The following PLXNA4 variants were observed in gnomAD, a reference collection of about 807,000 sequenced individuals.
The protein encoded by PLXNA4 is plexin A4.
In PLXNA4, 44 loss-of-function variants were observed where a neutral mutation model predicts 191.8. The ratio of observed to expected loss-of-function variants is 0.23; its 90% CI spans 0.18 to 0.29. The LOEUF (loss-of-function observed/expected upper bound fraction) is 0.29. PLXNA4 is among the 10% of genes least tolerant of loss of function. PLXNA4 has a pLI of 1.00. For synonymous variants in PLXNA4, 1,082 were observed against 1,009.5 expected, an observed-to-expected ratio of 1.07 and a Z score of -1.36; for missense variants, 1,800 against 2,488.8, an observed-to-expected ratio of 0.72 and a Z score of 5.89.
chr7:132,184,159 C>T (rs987776128), intron 16 of PLXNA4, among the ~76,000 whole-genome samples: 1 of 152,212 alleles, frequency 6.6e-6, no homozygotes, highest in Non-Finnish European at 1.5e-5. Context: ...TGCTCACTCC[C>T]CCAGCCCCAC....
In PLXNA4 at chr7:132,576,378, T is replaced by C. The variant is rs1298980827; in HGVS notation, c.-87+44A>G. 37 of 985,318 alleles carry C rather than the reference T, an allele frequency of 3.8e-5. No individual in the cohort carries two copies. Among genetic ancestry groups the C allele is most frequent in the Non-Finnish European group, 4.5e-5 (37 of 829,890 alleles). 61.0% of individuals were successfully genotyped at this position (985,318 alleles called of 1,614,324 possible). On this transcript the variant is annotated intron_variant, in intron 1 of 31. Coordinates refer to ENST00000321063, the MANE Select transcript of PLXNA4 (RefSeq NM_020911.2). This position sits in a 1 kb window ranked among gnomAD's most constrained non-coding sequence, Gnocchi z 5.8. Reference sequence around the variant, plus strand: ...CCAGGTCTGTCCGACCTTGCTGCCCTCGCCGCCCGCCCGGCCCCACTCCCC... The same window carrying C: ...CCAGGTCTGTCCGACCTTGCTGCCCCCGCCGCCCGCCCGGCCCCACTCCCC...
intron 2 of PLXNA4, among the ~76,000 whole-genome samples, chr7:132,589,341 CTA>C (rs928440712): frequency 6.6e-6 from 1 of 152,036 alleles, no homozygotes; most frequent in Non-Finnish European, 1.5e-5. Context: ...TAAATTATAA[CTA>C]TATATTTTTA....
chr7:132,456,169 G>A (rs1796310511), intron 3 of PLXNA4, among the ~76,000 whole-genome samples: 1 of 147,646 alleles, frequency 6.8e-6, no homozygotes, highest in Non-Finnish European at 1.5e-5. Flanking sequence ...TTGGAGTGCA[G>A]TGGCACAATC....
At chr7:132,377,439 G>C (rs1048618080) in intron 3 of PLXNA4, among the ~76,000 whole-genome samples, 24 of 142,430 alleles carry the variant, frequency 1.7e-4, no homozygotes, top group Admixed American at 5.0e-4. Flanking sequence ...AAAAAAAAAA[G>C]AAAACAAAAC....
intron 3 of PLXNA4, among the ~76,000 whole-genome samples, chr7:132,447,612 TA>T (rs1192944893): frequency 1.3e-5 from 2 of 152,154 alleles, no homozygotes; most frequent in African/African-American, 4.8e-5. Flanking sequence ...AAATGGGACT[TA>T]ATAATCCCCA....
Position 132,380,274 on chromosome 7 carries a change from G to C in PLXNA4, c.1372-82052C>G, listed in dbSNP as rs10269993. ...CTGTGGAATTTGCAGCATTGTGATC[G>C]TGTGCAAAGGGCAGCACCAGGCCCT... is the stretch of plus-strand genomic sequence containing the variant. On this transcript the variant is annotated intron_variant, in intron 3 of 31. Transcript: ENST00000321063. Among the ~76,000 whole-genome samples, 4 of 152,122 alleles carry C rather than the reference G, an allele frequency of 2.6e-5. No homozygotes were observed. In the East Asian group the frequency reaches 7.7e-4, roughly 29 times the overall value.
chr7:132,353,941 T>G (rs1466561862), intron 3 of PLXNA4, among the ~76,000 whole-genome samples: 5 of 152,154 alleles, frequency 3.3e-5, no homozygotes, highest in Non-Finnish European at 7.3e-5. Flanking sequence ...TCTTTTCAAG[T>G]CAGATCTGTT....
At chr7:132,215,404 T>C (rs778253304) in intron 9 of PLXNA4, among the ~76,000 whole-genome samples, 23 of 152,368 alleles carry the variant, frequency 1.5e-4, no homozygotes, top group South Asian at 4.1e-4. Context: ...GTGTAGTCCC[T>C]GGAATATTGT....
rs1471619323 is a variant in PLXNA4 at position 132,416,900 on chromosome 7, T to A, written c.1371+72392A>T. 3.3e-5 allele frequency among the ~76,000 whole-genome samples: 5 copies of A among 151,946 alleles called. No homozygotes were observed. In the East Asian group the frequency reaches 9.7e-4, roughly 29 times the overall value. ...CATTCTCCCACCCCCATACTGTTCA[T>A]CACAAACTCACAGTTGCTTCTCTAC... On this transcript the variant is annotated intron_variant, in intron 3 of 31. Coordinates refer to ENST00000321063, the MANE Select transcript of PLXNA4 (RefSeq NM_020911.2).
At chr7:132,143,055 A>C (rs1470871367) in intron 29 of PLXNA4, among the ~76,000 whole-genome samples, 2 of 152,184 alleles carry the variant, frequency 1.3e-5, no homozygotes, top group Non-Finnish European at 2.9e-5. Context: ...ACTCAGGCTA[A>C]ATGAGCAGGA....
chr7:132,560,486 T>TAAAGAAGCAA (rs1434323305), intron 1 of PLXNA4, among the ~76,000 whole-genome samples: 1 of 152,156 alleles, frequency 6.6e-6, no homozygotes, highest in Admixed American at 6.5e-5. Flanking sequence ...CTTGCTTCTT[T>TAAAGAAGCAA]GTCAAGTTTC....
At chr7:132,598,660 T>TCTATAAGTTACCTATTCATCACCTTTC in intron 2 of PLXNA4, among the ~76,000 whole-genome samples, 5 of 152,146 alleles carry the variant, frequency 3.3e-5, no homozygotes, top group African/African-American at 1.2e-4. Flanking sequence ...TGCAAGAATT[T>TCTATAAGTTACCTATTCATCACCTTTC]CCTGTGAATT....
At chr7:132,443,167 G>A (rs867548307) in intron 3 of PLXNA4, among the ~76,000 whole-genome samples, 1 of 152,188 alleles carries the variant, frequency 6.6e-6, no homozygotes, top group East Asian at 1.9e-4. Context: ...GGAACAAGAA[G>A]CTTTGCCCAA....
Position 132,179,892 on chromosome 7 carries a change from C to A in PLXNA4, c.3669G>T (p.Pro1223=), listed in dbSNP as rs3734988. The A allele has an allele frequency of 6.2e-7, 1 of 1,611,074 alleles. No homozygotes were observed. The highest frequency in any genetic ancestry group is 1.1e-5 in the South Asian group (1 of 90,848). Residue 1223 remains proline, a synonymous_variant, in exon 20 of 32, where the codon CCG becomes CCT. Transcript: ENST00000321063. ...TGTCCGGGGCAATGTACACCATCCC[C>A]GGGGAGTACTCCATGCCACCGACAC... ...MARVGGMEYS[P]GMVYIAPDSP...
chr7:132,322,992 G>C (rs536233206), intron 3 of PLXNA4, among the ~76,000 whole-genome samples: 29 of 152,302 alleles, frequency 1.9e-4, no homozygotes, highest in Admixed American at 1.4e-3. Context: ...CAAGGGTTGG[G>C]GAGGGGTGGT....
At chr7:132,436,280 G>A (rs1254305875) in intron 3 of PLXNA4, among the ~76,000 whole-genome samples, 1 of 152,224 alleles carries the variant, frequency 6.6e-6, no homozygotes, top group African/African-American at 2.4e-5. Context: ...AACTCTGAAG[G>A]GAGTCCGTCT....
intron 1 of PLXNA4, among the ~76,000 whole-genome samples, chr7:132,562,535 CTCTTT>C: frequency 7.9e-6 from 1 of 126,762 alleles, no homozygotes; most frequent in Non-Finnish European, 1.6e-5. Flanking sequence ...CCTCCTTCTC[CTCTTT>C]CTCCTCCTCC....
At chr7:132,521,458 G>C (rs147614734) in intron 1 of PLXNA4, among the ~76,000 whole-genome samples, 1 of 152,112 alleles carries the variant, frequency 6.6e-6, no homozygotes, top group Admixed American at 6.5e-5. Flanking sequence ...GAATTAACAC[G>C]TGCTTTAAGG....
intron 14 of PLXNA4, among the ~76,000 whole-genome samples, chr7:132,189,008 G>GAA (rs1562908971): frequency 3.8e-5 from 3 of 79,414 alleles, no homozygotes; most frequent in Non-Finnish European, 5.4e-5. Flanking sequence ...GAGAGAGAGA[G>GAA]AGAGAGAGAG....
Sources: allele counts gnomAD v4.1 joint callset (sites outside exome capture counted in the v4.1 genomes callset), GRCh38; gene constraint gnomAD v4.1.1; non-coding constraint Gnocchi (gnomAD v3.1); transcripts MANE v1.5; gene names NCBI Gene and HGNC (gene_info 2026-07-23, HGNC 2026-07-21).